Variants in ELF2 observed in about 807,000 individuals in gnomAD.
ELF2 encodes ETS-related transcription factor Elf-2.
Under a neutral mutation model 54.8 loss-of-function variants are expected in ELF2, and 11 were observed. That is an observed-to-expected ratio of 0.20 (90% CI 0.13 to 0.33). The LOEUF is 0.33. Among genes scored for constraint, ELF2 ranks in the 10% least tolerant of loss-of-function variants. The pLI is 1.00. For synonymous variants in ELF2, 203 were observed against 245.1 expected (o/e 0.83, Z 1.61); for missense variants, 513 against 703.0 (o/e 0.73, Z 3.06).
intron 4 of ELF2, among the ~76,000 whole-genome samples, chr4:139,076,928 G>A (rs1029781261): frequency 1.3e-5 from 2 of 151,854 alleles, no homozygotes; most frequent in African/African-American, 4.8e-5. Context: ...TACATACTTA[G>A]AAAATTTACT....
chr4:139,080,553 T>G (rs1730963501), intron 4 of ELF2, among the ~76,000 whole-genome samples: 1 of 152,130 alleles, frequency 6.6e-6, no homozygotes, highest in South Asian at 2.1e-4. Context: ...ATTTAATAAC[T>G]GCATTGTTGA....
At chr4:139,088,578 TTTG>T (rs760311545) in intron 4 of ELF2, among the ~76,000 whole-genome samples, 3 of 152,064 alleles carry the variant, frequency 2.0e-5, no homozygotes, top group Non-Finnish European at 2.9e-5. Context: ...CTGTCTGACT[TTTG>T]TTTCTTCCTA....
intron 7 of ELF2, chr4:139,066,958 G>C (rs944825596): frequency 6.6e-6 from 1 of 152,112 alleles, no homozygotes; most frequent in Non-Finnish European, 1.5e-5. Flanking sequence ...AGCTCACCTT[G>C]AATTCTTCTA....
chr4:139,115,557 A>G (rs894365980), intron 4 of ELF2, among the ~76,000 whole-genome samples: 9 of 151,768 alleles, frequency 5.9e-5, no homozygotes, highest in Admixed American at 3.3e-4. Context: ...GGATTTCTAT[A>G]CCACAACTCA....
In ELF2 at chr4:139,071,916, G is replaced by C. The variant is rs1407640631; in HGVS notation, c.476C>G (p.Ser159Cys). 3 of 1,612,302 alleles carry C rather than the reference G, an allele frequency of 1.9e-6. No individual in the cohort carries two copies. The African/African-American group carries it at 4.0e-5, about 22-fold the overall frequency. ...GCTATCTGGTGATGTTGGAATAGGA[G>C]AGGTATCCATGGGTTCAGACTCTTC... ...STEESEPMDT[S>C]PIPTSPDSHE... Residue 159 changes from serine to cysteine, a missense_variant, in exon 6 of 10, where the codon TCT becomes TGT. Ser to Cys is a moderately radical substitution (Grantham distance 112). Transcript: ENST00000686138.
At chr4:139,133,076 C>G (rs1471172529) in intron 3 of ELF2, among the ~76,000 whole-genome samples, 1 of 151,806 alleles carries the variant, frequency 6.6e-6, no homozygotes, top group Non-Finnish European at 1.5e-5. Flanking sequence ...CACCCGCCAC[C>G]ATGCCCGGCT....
intron 4 of ELF2, among the ~76,000 whole-genome samples, chr4:139,074,807 A>T (rs192398300): frequency 6.7e-4 from 102 of 151,432 alleles, no homozygotes; most frequent in Admixed American, 1.2e-3. Context: ...GGGAGGCAAT[A>T]AAAAAAATAC....
intron 7 of ELF2, chr4:139,067,390 G>A (rs988347324): frequency 9.7e-6 from 3 of 308,144 alleles, no homozygotes; most frequent in Non-Finnish European, 1.8e-5. Flanking sequence ...CTATTATCCT[G>A]TAAGTCAATG....
intron 4 of ELF2, among the ~76,000 whole-genome samples, chr4:139,103,143 T>C (rs1327544337): frequency 6.6e-6 from 1 of 152,250 alleles, no homozygotes; most frequent in Non-Finnish European, 1.5e-5. Flanking sequence ...CAAGTTCATC[T>C]ACTGATAAGA....
intron 1 of ELF2, among the ~76,000 whole-genome samples, chr4:139,156,034 TG>T (rs2148892466): frequency 6.6e-6 from 1 of 152,332 alleles, no homozygotes; most frequent in East Asian, 1.9e-4. Flanking sequence ...TGATATAACT[TG>T]CCAATCATAA....
chr4:139,082,050 A>G (rs1260500540), intron 4 of ELF2, among the ~76,000 whole-genome samples: 1 of 152,194 alleles, frequency 6.6e-6, no homozygotes, highest in Non-Finnish European at 1.5e-5. Flanking sequence ...ATATACACAC[A>G]TATATACTCC....
At chr4:139,119,317 A>G (rs768095999) in intron 4 of ELF2, among the ~76,000 whole-genome samples, 5 of 152,196 alleles carry the variant, frequency 3.3e-5, no homozygotes, top group Non-Finnish European at 5.9e-5. Flanking sequence ...CTTTAGTTGT[A>G]CTAGATATCT....
At chr4:139,119,148 T>C (rs1030574834) in intron 4 of ELF2, among the ~76,000 whole-genome samples, 4 of 152,258 alleles carry the variant, frequency 2.6e-5, no homozygotes, top group Non-Finnish European at 5.9e-5. Context: ...CTTAATTCTA[T>C]GTCCTTTGTT....
intron 4 of ELF2, chr4:139,073,782 T>G (rs977016319): frequency 1.1e-5 from 3 of 266,772 alleles, no homozygotes; most frequent in African/African-American, 6.6e-5. Flanking sequence ...ATAAAATGAA[T>G]ACTGATATAA....
rs557332259 is a variant in ELF2, at chr4:139,080,961, CAAG to C, written c.239-7397_239-7395del. ...AATATTAGAAAAAAAAAAAAAAACC[CAAG>C]GAGAAGCCCTACCTTTCCATTAAGT... is the stretch of plus-strand genomic sequence containing the variant. On this transcript the variant is annotated intron_variant, in intron 4 of 9. Transcript: ENST00000686138. Among the ~76,000 whole-genome samples, 1,230 of 150,490 alleles carry C rather than the reference CAAG, an allele frequency of 8.2e-3. 6 individuals carry two copies. Among genetic ancestry groups the C allele is most frequent in the Non-Finnish European group, 0.013 (866 of 67,602 alleles).
rs1030922999 is a variant in ELF2 at position 139,083,123 on chromosome 4, G to A, written c.239-9556C>T. Among the ~76,000 whole-genome samples, 5 of 151,778 alleles carry A rather than the reference G, an allele frequency of 3.3e-5. 1 individual carries two copies. Among genetic ancestry groups the A allele is most frequent in the African/African-American group, 1.2e-4 (5 of 41,286 alleles). ...CTCAGAGAGCAGATTGGAACCAGAG[G>A]CCTGTCAATCCCGTCCGTTCTGTCC... On this transcript the variant is annotated intron_variant, in intron 4 of 9. Transcript: ENST00000686138.
At chr4:139,094,764 A>T (rs1733062219) in intron 4 of ELF2, among the ~76,000 whole-genome samples, 1 of 152,198 alleles carries the variant, frequency 6.6e-6, no homozygotes, top group African/African-American at 2.4e-5. Flanking sequence ...ATGTCATTTT[A>T]AAAAATGAGT....
chr4:139,073,074 A>G (rs1729747940), intron 5 of ELF2, among the ~76,000 whole-genome samples: 1 of 152,174 alleles, frequency 6.6e-6, no homozygotes, highest in Non-Finnish European at 1.5e-5. Context: ...GGTTCTCTGG[A>G]GTTACTGCCT....
Position 139,151,032 on chromosome 4 carries a change from A to AAAAAAAG in ELF2, c.-251-11536_-251-11535insCTTTTTT, listed in dbSNP as rs1301387000. 6.2e-4 allele frequency among the ~76,000 whole-genome samples: 64 copies of AAAAAAAG among 102,530 alleles called. 1 individual carries two copies. The highest frequency in any genetic ancestry group is 2.9e-3 in the African/African-American group (58 of 19,728). The allele number at this position is 102,530 out of a possible 152,430, so 67.3% of individuals were successfully genotyped here. On this transcript the variant is annotated intron_variant, in intron 1 of 9. Coordinates refer to ENST00000686138, the MANE Select transcript of ELF2 (RefSeq NM_001331036.3). Reference sequence around the variant, plus strand: ...GAACGAGGCTCCATCTCAAAAAAAAAAAAGAAAGAAAGAAAGAAAGAAAGA... The same window carrying AAAAAAAG: ...GAACGAGGCTCCATCTCAAAAAAAAAAAAAAAGAAAGAAAGAAAGAAAGAAAGAAAGA...
Sources: allele counts gnomAD v4.1 joint callset (sites outside exome capture counted in the v4.1 genomes callset), GRCh38; gene constraint gnomAD v4.1.1; transcripts MANE v1.5; gene names NCBI Gene and HGNC (gene_info 2026-07-23, HGNC 2026-07-21).